The following KBTBD2 variants were observed in gnomAD, a reference collection of about 807,000 sequenced individuals.
KBTBD2 encodes the protein kelch repeat and BTB domain containing 2.
Under a neutral mutation model 57.1 loss-of-function variants are expected in KBTBD2, and 17 were observed. The observed-to-expected ratio is 0.30, with a 90% confidence interval of 0.20 to 0.45. The LOEUF (loss-of-function observed/expected upper bound fraction) is 0.45, where lower values mean the gene tolerates loss of function less well. Ranked by LOEUF, KBTBD2 falls within the 20% of genes least tolerant of loss-of-function variation. The pLI, the probability that KBTBD2 is intolerant of heterozygous loss-of-function variation, is 1.00. For missense variants in KBTBD2, 515 were observed against 750.6 expected, an observed-to-expected ratio of 0.69 and a Z score of 3.67; for synonymous variants, 267 against 262.7, an observed-to-expected ratio of 1.02 and a Z score of -0.16.
At chr7:32,871,197 T>C (rs1317622393) in intron 3 of KBTBD2, among the ~76,000 whole-genome samples, 1 of 152,180 alleles carries the variant, frequency 6.6e-6, no homozygotes, top group Non-Finnish European at 1.5e-5. Context: ...CATACTTTCC[T>C]AGACTTTATA....
chr7:32,891,078 T>G (rs971586952), intron 1 of KBTBD2: 6 of 152,204 alleles, frequency 3.9e-5, no homozygotes, highest in Non-Finnish European at 8.8e-5. Flanking sequence ...TTAGTTCAGA[T>G]GTACGCGGGG....
At chr7:32,873,192 G>A (rs1421266780) in intron 3 of KBTBD2, among the ~76,000 whole-genome samples, 1 of 151,994 alleles carries the variant, frequency 6.6e-6, no homozygotes, top group Non-Finnish European at 1.5e-5. Context: ...TTTAAAAAGG[G>A]AACATGATGG....
At chr7:32,873,384 C>CA (rs544661966) in intron 3 of KBTBD2, among the ~76,000 whole-genome samples, 42,674 of 107,738 alleles carry the variant, frequency 0.4, 8,383 homozygotes, top group East Asian at 0.53. Context: ...AAGCTCTAAG[C>CA]AAAAAAAAAA....
chr7:32,878,784 T>C (rs1453636432), intron 2 of KBTBD2, among the ~76,000 whole-genome samples: 4 of 152,210 alleles, frequency 2.6e-5, no homozygotes. Context: ...TTGGCTTCTA[T>C]TCTGCTCAGG....
intron 2 of KBTBD2, among the ~76,000 whole-genome samples, chr7:32,877,747 T>C (rs1468358471): frequency 6.6e-6 from 1 of 152,148 alleles, no homozygotes; most frequent in African/African-American, 2.4e-5. Context: ...TTAATAAATA[T>C]CTGATTTGTT....
At chr7:32,878,508 A>T (rs1031031980) in intron 2 of KBTBD2, among the ~76,000 whole-genome samples, 2 of 151,442 alleles carry the variant, frequency 1.3e-5, no homozygotes, top group African/African-American at 4.9e-5. Flanking sequence ...TGAACCCAAG[A>T]GGCAGAGGTT....
rs765898950 is a variant in KBTBD2 at position 32,870,585 on chromosome 7, T to C, written c.632A>G (p.Gln211Arg). The C allele has an allele frequency of 5.0e-6, 8 of 1,614,046 alleles. No homozygotes were observed. The African/African-American group carries it at 6.7e-5, about 13-fold the overall frequency. ...WLEYNTESRSQYLSSVLSQIR... is the reference protein window; with the variant it reads ...WLEYNTESRSRYLSSVLSQIR... ...TTGGCTAAGAACAGAAGACAAATAC[T>C]GGGATCGTGATTCTGTGTTATACTC... Residue 211 changes from glutamine (Q) to arginine (R), a missense_variant, in exon 4 of 4, where the codon CAG becomes CGG. Coordinates refer to ENST00000304056, the MANE Select transcript of KBTBD2 (RefSeq NM_015483.3).
chr7:32,874,000 T>C (rs9638884), intron 3 of KBTBD2, among the ~76,000 whole-genome samples: 73,502 of 151,928 alleles, frequency 0.48, 19,420 homozygotes, highest in African/African-American at 0.71. Context: ...TGGTGGTTCA[T>C]ACCTGTAATC....
chr7:32,870,904 A>C lies in KBTBD2; in HGVS notation c.337-24T>G, dbSNP rs560732818. ...ACCTAGAATGAGAAGGAAAAAAAAA[A>C]CAGGCTGATAGGGCCAGGACAGACA... On this transcript the variant is annotated intron_variant, in intron 3 of 3. Transcript: ENST00000304056. The C allele has an allele frequency of 3.3e-4, 465 of 1,419,148 alleles. No homozygotes were observed. The highest frequency in any genetic ancestry group is 4.1e-4 in the Non-Finnish European group (437 of 1,063,036). 87.9% of individuals were successfully genotyped at this position (1,419,148 alleles called of 1,614,324 possible). A position where few individuals can be genotyped will look rare whatever the true frequency, so the allele number is the denominator to read the frequency against.
intron 1 of KBTBD2, among the ~76,000 whole-genome samples, chr7:32,881,065 C>CA (rs1213861697): frequency 6.7e-6 from 1 of 148,666 alleles, no homozygotes; most frequent in Non-Finnish European, 1.5e-5. Flanking sequence ...CGCACCACTG[C>CA]ACTCCAGCCT....
intron 1 of KBTBD2, 82 bp downstream of exon 1, chr7:32,891,454 T>G (rs1016159853): frequency 7.2e-6 from 1 of 138,030 alleles, no homozygotes; most frequent in Non-Finnish European, 1.6e-5. Flanking sequence ...CCGAGCCCCC[T>G]CCCGCCACAG....
At position 32,870,760 on chromosome 7, in the gene KBTBD2, T is replaced by C. The variant is rs1297311315; in HGVS notation, c.457A>G (p.Lys153Glu). The change falls in exon 4 of 4, where the codon AAA (lysine) becomes GAA (glutamate). Residue 153 changes from lysine to glutamate, a missense_variant. Transcript: ENST00000304056. ...GTGAACTTGTGCTCCACCATTCTTTTAGCACTCTGTTTTAATTCCTCACAA... is the reference window on the plus strand; with the variant it reads ...GTGAACTTGTGCTCCACCATTCTTTCAGCACTCTGTTTTAATTCCTCACAA... ...FSCEELKQSA[K>E]RMVEHKFTAV... is the part of the protein sequence containing the mutation. The C allele has an allele frequency of 5.0e-6, 8 of 1,614,168 alleles. No individual in the cohort carries two copies. The highest frequency in any genetic ancestry group is 1.1e-5 in the South Asian group (1 of 91,080).
At position 32,869,613 on chromosome 7, in the gene KBTBD2, C is replaced by T. The variant is rs769622221; in HGVS notation, c.1604G>A (p.Cys535Tyr). ...VRAVVISNSL[C>Y]VFMRETHLNE... ...TAAGTGGGTTTCTCGCATAAACACA[C>T]ATAGAGAATTTGAGATCACAACAGC... Residue 535 changes from cysteine (C) to tyrosine (Y), a missense_variant, in exon 4 of 4, where the codon TGT becomes TAT. Coordinates refer to ENST00000304056, the MANE Select transcript of KBTBD2 (RefSeq NM_015483.3). The T allele has an allele frequency of 1.2e-6, 2 of 1,614,156 alleles. No individual in the cohort carries two copies. The highest frequency in any genetic ancestry group is 1.7e-6 in the Non-Finnish European group (2 of 1,180,022).
At position 32,869,462 on chromosome 7, in the gene KBTBD2, T is replaced by G; in HGVS notation, c.1755A>C (p.Lys585Asn). 1 of 1,613,922 alleles carries G rather than the reference T, an allele frequency of 6.2e-7. No homozygotes were observed. The highest frequency in any genetic ancestry group is 1.3e-5 in the African/African-American group (1 of 74,950). The change falls in exon 4 of 4, where the codon AAA becomes AAC. Residue 585 changes from lysine to asparagine, a missense_variant. Physicochemically the swap from Lys to Asn is moderately conservative, Grantham distance 94. Transcript: ENST00000304056. ...LGRDFRCTVG[K>N]LYPSCLEESP... Reference sequence around the variant, plus strand: ...ACTCTTCAAGGCAGGATGGATAGAGTTTCCCCACAGTGCATCGAAAATCTC... The same window carrying G: ...ACTCTTCAAGGCAGGATGGATAGAGGTTCCCCACAGTGCATCGAAAATCTC...
intron 3 of KBTBD2, 133 bp from the exon 4 acceptor site, chr7:32,871,013 G>A: frequency 3.4e-6 from 2 of 584,136 alleles, no homozygotes; most frequent in Non-Finnish European, 5.8e-6. Context: ...CATCTGGGCT[G>A]AGATAAGGTC....
intron 2 of KBTBD2, among the ~76,000 whole-genome samples, chr7:32,875,800 A>T (rs965287634): frequency 6.6e-6 from 1 of 152,220 alleles, no homozygotes; most frequent in Admixed American, 6.5e-5. Context: ...ACAAAAAACC[A>T]CATAGTATAT....
Position 32,868,971 on chromosome 7 carries a change from C to T in KBTBD2, c.*374G>A, listed in dbSNP as rs944942880. 1.8e-5 allele frequency: 3 copies of T among 163,500 alleles called. No individual in the cohort carries two copies. The highest frequency in any genetic ancestry group is 4.0e-5 in the Non-Finnish European group (3 of 74,472). The allele number at this position is 163,500 out of a possible 1,614,324, so 10.1% of individuals were successfully genotyped here. ...AGAACAGAAGCACGGGAATGAAACA[C>T]ACATACTAAAATAACCTCAGCACAA... On this transcript the variant is annotated 3_prime_UTR_variant, in exon 4 of 4. Coordinates refer to ENST00000304056, the MANE Select transcript of KBTBD2 (RefSeq NM_015483.3).
intron 1 of KBTBD2, among the ~76,000 whole-genome samples, chr7:32,888,361 C>G (rs1198203906): frequency 6.6e-6 from 1 of 152,058 alleles, no homozygotes; most frequent in Non-Finnish European, 1.5e-5. Context: ...ACAAGCCTTT[C>G]TTTATTTCAA....
chr7:32,875,561 T>G (rs1206118117), intron 2 of KBTBD2, among the ~76,000 whole-genome samples: 1 of 152,168 alleles, frequency 6.6e-6, no homozygotes, highest in Non-Finnish European at 1.5e-5. Context: ...CATGAGCCAC[T>G]GTGCCTAGCC....
Sources: gnomAD v4.1 joint callset for allele counts (sites outside exome capture counted in the v4.1 genomes callset) on GRCh38, gnomAD v4.1.1 for gene constraint, MANE v1.5 for transcripts, NCBI Gene and HGNC (gene_info 2026-07-23, HGNC 2026-07-21) for gene names.